RAB19: variants seen among roughly 807,000 people sequenced by gnomAD.
The protein encoded by RAB19 is ras-related protein Rab-19.
A neutral mutation model predicts 17.3 loss-of-function variants in RAB19; 21 were observed. That is an observed-to-expected ratio of 1.21 (90% CI 0.86 to 1.74). RAB19 has a LOEUF of 1.74. RAB19 is among the 40% of genes most tolerant of loss of function. The probability of loss-of-function intolerance (pLI) is 0.00; values close to 1 mark genes in which losing one functional copy is unlikely to be tolerated. For synonymous variants in RAB19, 126 were observed against 110.4 expected (o/e 1.14, Z -0.88); for missense variants, 277 against 286.8 (o/e 0.97, Z 0.25).
chr7:140,406,954 C>T (rs9640227), intron 1 of RAB19, among the ~76,000 whole-genome samples: 40,385 of 151,492 alleles, frequency 0.27, 5,633 homozygotes, highest in East Asian at 0.45. Context: ...GGCATGATCT[C>T]GGATCACTGC....
Position 140,426,085 on chromosome 7 carries a change from C to T in RAB19, c.589C>T (p.Pro197Ser). The change falls in exon 4 of 4, where the codon CCC (proline) becomes TCC (serine). Residue 197 changes from proline (P) to serine (S), a missense_variant. Transcript: ENST00000537763. ...TGGGGAGAGTGCCCTGAACGGCCTCCCCCTGGACTCCAGCCCCGTTCTTAT... is the reference window on the plus strand; with the variant it reads ...TGGGGAGAGTGCCCTGAACGGCCTCTCCCTGGACTCCAGCCCCGTTCTTAT... ...LYGESALNGL[P>S]LDSSPVLMAQ... The T allele has an allele frequency of 5.6e-6, 9 of 1,614,186 alleles. No individual in the cohort carries two copies. Among genetic ancestry groups the T allele is most frequent in the South Asian group, 1.1e-5 (1 of 91,080 alleles).
chr7:140,421,475 TC>T (rs2130154542), intron 3 of RAB19, among the ~76,000 whole-genome samples: 1 of 152,278 alleles, frequency 6.6e-6, no homozygotes, highest in Non-Finnish European at 1.5e-5. Flanking sequence ...TTCTCATGCC[TC>T]AGCCTCCCAA....
Position 140,411,944 on chromosome 7 carries a change from A to G in RAB19, c.272A>G (p.His91Arg). 2 of 1,614,194 alleles carry G rather than the reference A, an allele frequency of 1.2e-6. No homozygotes were observed. The highest frequency in any genetic ancestry group is 8.5e-7 in the Non-Finnish European group (1 of 1,180,042). ...ACCCAAAGCTACTACCGCAGTGCCC[A>G]CGCAGCCATCATCGCCTATGACCTC... is the stretch of plus-strand genomic sequence containing the variant. ...TITQSYYRSA[H>R]AAIIAYDLTR... Residue 91 changes from histidine (H) to arginine (R), a missense_variant, in exon 3 of 4, where the codon CAC becomes CGC. By Grantham distance (29) the His-to-Arg change is conservative. Coordinates refer to ENST00000537763, the MANE Select transcript of RAB19 (RefSeq NM_001008749.3).
intron 2 of RAB19, among the ~76,000 whole-genome samples, chr7:140,409,910 G>A (rs1799319962): frequency 6.9e-6 from 1 of 144,578 alleles, no homozygotes; most frequent in Non-Finnish European, 1.5e-5. Context: ...GGAGAATGGC[G>A]TGAACCCGGG....
intron 3 of RAB19, among the ~76,000 whole-genome samples, chr7:140,414,585 A>G (rs926836152): frequency 7.9e-5 from 12 of 152,136 alleles, no homozygotes; most frequent in African/African-American, 2.9e-4. Flanking sequence ...AAATGCCCCC[A>G]AAGATGATTT....
At chr7:140,412,314 T>C (rs1015872105) in intron 3 of RAB19, among the ~76,000 whole-genome samples, 11 of 151,406 alleles carry the variant, frequency 7.3e-5, no homozygotes, top group Non-Finnish European at 1.5e-4. Context: ...TAGACAGGCG[T>C]AGTGGTGGGC....
At chr7:140,417,317 G>A (rs1799478773) in intron 3 of RAB19, among the ~76,000 whole-genome samples, 1 of 151,356 alleles carries the variant, frequency 6.6e-6, no homozygotes, top group East Asian at 1.9e-4. Context: ...TGGGCACATT[G>A]CTTGAGGCTA....
In RAB19 at chr7:140,417,810, C is replaced by T. The variant is rs140163728; in HGVS notation, c.385+5753C>T. On this transcript the variant is annotated intron_variant, in intron 3 of 3. Transcript: ENST00000537763. ...CTCTGGCTTCTGGTGCCATCTTTGG[C>T]TCTGTGTGCCTCACCTTTTCCTGCC... Among the ~76,000 whole-genome samples the T allele has an allele frequency of 8.3e-3, 1,270 of 152,328 alleles. 12 individuals carry two copies. Among genetic ancestry groups the T allele is most frequent in the Non-Finnish European group, 0.014 (922 of 68,036 alleles).
chr7:140,410,851 G>C lies in RAB19; in HGVS notation c.202-1023G>C. ...AATAGTATGAGAATATGAAGAAATT[G>C]CTACCCTCAGACACTGTGAGAGGCT... On this transcript the variant is annotated intron_variant, in intron 2 of 3. Coordinates refer to ENST00000537763, the MANE Select transcript of RAB19 (RefSeq NM_001008749.3). The C allele has an allele frequency of 3.8e-6, 4 of 1,043,562 alleles. No homozygotes were observed. In the South Asian group the frequency reaches 5.7e-5, roughly 15 times the overall value. The allele number at this position is 1,043,562 out of a possible 1,614,324, so 64.6% of individuals were successfully genotyped here. A position where few individuals can be genotyped will look rare whatever the true frequency, so the allele number is the denominator to read the frequency against.
At position 140,414,667 on chromosome 7, in the gene RAB19, G is replaced by A. The variant is rs115903839; in HGVS notation, c.385+2610G>A. On this transcript the variant is annotated intron_variant, in intron 3 of 3. Transcript: ENST00000537763. Reference sequence around the variant, plus strand: ...TGACACAGCAGCCTTCCTGTTTTCTGTTCGTGGCCTCCCTGCCTGAATCCA... The same window carrying A: ...TGACACAGCAGCCTTCCTGTTTTCTATTCGTGGCCTCCCTGCCTGAATCCA... Among the ~76,000 whole-genome samples, 1,248 of 152,274 alleles carry A rather than the reference G, an allele frequency of 8.2e-3. 22 individuals are homozygous for A. The highest frequency in any genetic ancestry group is 0.028 in the African/African-American group (1,174 of 41,556).
In RAB19 at chr7:140,407,742, T is replaced by C. The variant is rs375341613; in HGVS notation, c.96T>C (p.Cys32=). The change falls in exon 2 of 4, where the codon TGT becomes TGC. Residue 32 remains cysteine (C), a synonymous_variant. Transcript: ENST00000537763. The stretch of plus-strand genomic sequence containing the variant: ...GGGATTCCAATGTGGGGAAGACGTG[T>C]GTGGTGCAGCATTTCAAGTCTGGAG... ...LIGDSNVGKT[C]VVQHFKSGVY... The C allele has an allele frequency of 4.0e-5, 64 of 1,613,924 alleles. No individual in the cohort carries two copies. Among genetic ancestry groups the C allele is most frequent in the Non-Finnish European group, 5.3e-5 (62 of 1,179,982 alleles).
intron 1 of RAB19, among the ~76,000 whole-genome samples, chr7:140,407,298 C>T (rs183229436): frequency 6.6e-6 from 1 of 152,314 alleles, no homozygotes; most frequent in East Asian, 1.9e-4. Context: ...TGCCATTCTC[C>T]TGCTCTCCGG....
chr7:140,422,736 G>A lies in RAB19; in HGVS notation c.386-3146G>A, dbSNP rs116542957. Among the ~76,000 whole-genome samples, 458 of 152,128 alleles carry A rather than the reference G, an allele frequency of 3.0e-3. 3 individuals are homozygous for A. The highest frequency in any genetic ancestry group is 0.011 in the African/African-American group (441 of 41,524). On this transcript the variant is annotated intron_variant, in intron 3 of 3. Transcript: ENST00000537763. ...GAGGCTGACTGCTTGAGCCTAGAAC[G>A]TTAACGCTGCAGTGAGCTATGATCA...
intron 3 of RAB19, among the ~76,000 whole-genome samples, chr7:140,413,791 C>T (rs539746232): frequency 2.6e-5 from 4 of 152,182 alleles, no homozygotes; most frequent in East Asian, 1.9e-4. Flanking sequence ...TACAAACGGC[C>T]GGGGTGGACA....
intron 2 of RAB19, among the ~76,000 whole-genome samples, chr7:140,410,014 A>G (rs1033473977): frequency 6.8e-6 from 1 of 146,538 alleles, no homozygotes; most frequent in Non-Finnish European, 1.5e-5. Flanking sequence ...AAAAAAAAAG[A>G]TAATAAATAA....
chr7:140,410,212 A>G (rs1317241374), intron 2 of RAB19, among the ~76,000 whole-genome samples: 1 of 150,698 alleles, frequency 6.6e-6, no homozygotes, highest in Admixed American at 6.6e-5. Flanking sequence ...AGCTCGCTAT[A>G]GCCTCGACTT....
At chr7:140,411,667 G>A (rs959864740) in intron 2 of RAB19, 9 of 1,229,696 alleles carry the variant, frequency 7.3e-6, no homozygotes, top group Non-Finnish European at 9.9e-6. Flanking sequence ...GCTTGTCTTA[G>A]ATGGTCGTTC....
rs1563076322 is a variant in RAB19, at chr7:140,426,031, C to CTGA, written c.537_539dup (p.Leu179_Ile180insMet). ...AGTCTTCGTGCTCATGGCCAAGGAG[C>CTGA]TGATCGCGCGCAACAGCCTGCACCT... On this transcript the variant is annotated inframe_insertion, in exon 4 of 4. Coordinates refer to ENST00000537763, the MANE Select transcript of RAB19 (RefSeq NM_001008749.3). 4.3e-6 allele frequency: 7 copies of CTGA among 1,614,060 alleles called. No homozygotes were observed. Among genetic ancestry groups the CTGA allele is most frequent in the African/African-American group, 2.7e-5 (2 of 74,926 alleles).
At chr7:140,424,482 CTG>C (rs1260788390) in intron 3 of RAB19, among the ~76,000 whole-genome samples, 1 of 151,646 alleles carries the variant, frequency 6.6e-6, no homozygotes, top group Non-Finnish European at 1.5e-5. Context: ...TGATTAAAGT[CTG>C]TGGATAGCAC....
Sources: allele counts gnomAD v4.1 joint callset (sites outside exome capture counted in the v4.1 genomes callset), GRCh38; gene constraint gnomAD v4.1.1; transcripts MANE v1.5; gene names NCBI Gene and HGNC (gene_info 2026-07-23, HGNC 2026-07-21).